The following STAC variants were observed in gnomAD, a reference collection of about 807,000 sequenced individuals.
STAC encodes SH3 and cysteine-rich domain-containing protein.
In STAC, 43 loss-of-function variants were observed where a neutral mutation model predicts 48.8. That is an observed-to-expected ratio of 0.88 (90% confidence interval 0.69 to 1.14). The LOEUF is 1.14. Among genes scored for constraint, STAC ranks in the 50% most tolerant of loss-of-function variants. The probability of loss-of-function intolerance (pLI) is 0.00; values close to 1 mark genes in which losing one functional copy is unlikely to be tolerated. For missense variants in STAC, 497 were observed against 504.0 expected (o/e 0.99, Z 0.13); for synonymous variants, 193 against 179.5 (o/e 1.07, Z -0.60).
At chr3:36,482,888 T>G (rs967673508) in intron 2 of STAC, 104 bp from the exon 3 acceptor site, 1 of 715,550 alleles carries the variant, frequency 1.4e-6, no homozygotes, top group African/African-American at 1.8e-5. Flanking sequence ...ATGAAAAAGT[T>G]GTAGGAAAGA....
intron 1 of STAC, among the ~76,000 whole-genome samples, chr3:36,410,498 G>A (rs9828927): frequency 0.11 from 16,065 of 152,004 alleles, 1,105 homozygotes; most frequent in African/African-American, 0.2. Context: ...TTGGATCCCA[G>A]CAGCTTGACC....
chr3:36,515,839 C>T (rs1698658196), intron 8 of STAC, among the ~76,000 whole-genome samples: 1 of 152,004 alleles, frequency 6.6e-6, no homozygotes, highest in African/African-American at 2.4e-5. Context: ...CAAGGAATTT[C>T]CTTGTGAGCA....
intron 1 of STAC, among the ~76,000 whole-genome samples, chr3:36,397,733 C>T (rs1462955018): frequency 6.6e-6 from 1 of 152,200 alleles, no homozygotes; most frequent in Non-Finnish European, 1.5e-5. Context: ...GGAATAACTT[C>T]AATCCACTTT....
chr3:36,467,217 T>C (rs1697202345), intron 2 of STAC, among the ~76,000 whole-genome samples: 1 of 152,190 alleles, frequency 6.6e-6, no homozygotes, highest in Non-Finnish European at 1.5e-5. Context: ...GTAAATTATC[T>C]TTTTAATATA....
intron 2 of STAC, among the ~76,000 whole-genome samples, chr3:36,452,977 T>A (rs1160204864): frequency 6.6e-6 from 1 of 152,190 alleles, no homozygotes; most frequent in Non-Finnish European, 1.5e-5. Flanking sequence ...CAGACCCCTA[T>A]CCAGGTGATC....
chr3:36,437,982 G>A (rs13081097), intron 1 of STAC, among the ~76,000 whole-genome samples: 94,914 of 149,426 alleles, frequency 0.64, 31,216 homozygotes, highest in African/African-American at 0.82. Flanking sequence ...GAGTTTGCCC[G>A]GGCTGGAGTG....
At chr3:36,545,066 C>G (rs753605548) in intron 10 of STAC, among the ~76,000 whole-genome samples, 2 of 152,180 alleles carry the variant, frequency 1.3e-5, no homozygotes, top group Non-Finnish European at 2.9e-5. Context: ...GCTCAGATCC[C>G]TTTCACCAGG....
intron 5 of STAC, among the ~76,000 whole-genome samples, chr3:36,489,224 T>C (rs1343988494): frequency 1.3e-5 from 2 of 152,226 alleles, no homozygotes; most frequent in African/African-American, 4.8e-5. Context: ...GTCCCGTTCC[T>C]TATTCATCTC....
intron 8 of STAC, among the ~76,000 whole-genome samples, chr3:36,510,758 G>A (rs1698517471): frequency 6.6e-6 from 1 of 152,044 alleles, no homozygotes; most frequent in Non-Finnish European, 1.5e-5. Context: ...GATGAACAAT[G>A]AGAACACATG....
intron 3 of STAC, among the ~76,000 whole-genome samples, chr3:36,484,354 C>A (rs1697742117): frequency 6.6e-6 from 1 of 152,158 alleles, no homozygotes; most frequent in Non-Finnish European, 1.5e-5. Flanking sequence ...AGTCCAGGTT[C>A]TTAGTTTATC....
chr3:36,486,122 C>A lies in STAC; in HGVS notation c.572-12C>A. 6.2e-7 allele frequency: 1 copy of A among 1,608,128 alleles called. No homozygotes were observed. The highest frequency in any genetic ancestry group is 1.7e-5 in the Admixed American group (1 of 59,498). Reference sequence around the variant, plus strand: ...ATGAGCTTCCTCAGATGAACTTTCTCTTCTGTTGCAGCCTGTGGCAATAAG... The same window carrying A: ...ATGAGCTTCCTCAGATGAACTTTCTATTCTGTTGCAGCCTGTGGCAATAAG... On this transcript the variant is annotated splice_polypyrimidine_tract_variant and intron_variant, in intron 4 of 10. Coordinates refer to ENST00000273183, the MANE Select transcript of STAC (RefSeq NM_003149.3).
At chr3:36,455,882 C>T (rs1421823683) in intron 2 of STAC, among the ~76,000 whole-genome samples, 1 of 152,100 alleles carries the variant, frequency 6.6e-6, no homozygotes, top group East Asian at 1.9e-4. Flanking sequence ...CAAACACTAT[C>T]TGATTGTTCA....
At chr3:36,420,528 C>T (rs1700425250) in intron 1 of STAC, among the ~76,000 whole-genome samples, 1 of 152,170 alleles carries the variant, frequency 6.6e-6, no homozygotes, top group African/African-American at 2.4e-5. Flanking sequence ...TCAGCAGTGG[C>T]ATTAGATTCT....
chr3:36,483,954 T>C (rs949151499), intron 3 of STAC, among the ~76,000 whole-genome samples: 1 of 151,962 alleles, frequency 6.6e-6, no homozygotes, highest in African/African-American at 2.4e-5. Flanking sequence ...GTCTCAAAAA[T>C]TTTTTTTCAA....
intron 2 of STAC, among the ~76,000 whole-genome samples, chr3:36,451,234 C>G (rs1365942976): frequency 3.3e-5 from 5 of 152,066 alleles, no homozygotes; most frequent in Non-Finnish European, 1.5e-5. Flanking sequence ...TAATAATTAC[C>G]TCTGAGAGTT....
intron 10 of STAC, among the ~76,000 whole-genome samples, chr3:36,538,921 C>T (rs1699259456): frequency 6.6e-6 from 1 of 152,196 alleles, no homozygotes; most frequent in Non-Finnish European, 1.5e-5. Flanking sequence ...CCTTCACTCT[C>T]AATGCCTCTT....
chr3:36,418,435 C>T (rs1700368364), intron 1 of STAC, among the ~76,000 whole-genome samples: 1 of 151,988 alleles, frequency 6.6e-6, no homozygotes, highest in South Asian at 2.1e-4. Flanking sequence ...TAATGTTTGC[C>T]TTTGGGTTAT....
intron 2 of STAC, among the ~76,000 whole-genome samples, chr3:36,482,180 T>C (rs6787386): frequency 0.53 from 80,014 of 152,004 alleles, 21,274 homozygotes; most frequent in Middle Eastern, 0.64. Context: ...AACACACCCA[T>C]TTTAACATCC....
At chr3:36,490,406 C>T (rs774411638) in intron 5 of STAC, among the ~76,000 whole-genome samples, 3 of 152,176 alleles carry the variant, frequency 2.0e-5, no homozygotes, top group Non-Finnish European at 2.9e-5. Flanking sequence ...AGGAAAAGCA[C>T]AAACAAAACT....
Sources: allele counts gnomAD v4.1 joint callset (sites outside exome capture counted in the v4.1 genomes callset), GRCh38; gene constraint gnomAD v4.1.1; transcripts MANE v1.5; gene names NCBI Gene and HGNC (gene_info 2026-07-23, HGNC 2026-07-21).